The following MARCHF3 variants were observed in gnomAD, a reference collection of about 807,000 sequenced individuals.
MARCHF3 encodes E3 ubiquitin-protein ligase MARCHF3.
In MARCHF3, 13 loss-of-function variants were observed where a neutral mutation model predicts 24.2. The observed-to-expected ratio is 0.54, with a 90% CI of 0.35 to 0.85. The LOEUF is 0.85. MARCHF3 is among the 40% of genes least tolerant of loss of function. The probability of loss-of-function intolerance (pLI) is 0.01; values close to 1 mark genes in which losing one functional copy is unlikely to be tolerated. For synonymous variants in MARCHF3, 144 were observed against 137.3 expected, an observed-to-expected ratio of 1.05 and a Z score of -0.34; for missense variants, 276 against 325.0, an observed-to-expected ratio of 0.85 and a Z score of 1.16.
chr5:126,883,585 G>A (rs1286152067), intron 3 of MARCHF3, among the ~76,000 whole-genome samples: 1 of 152,184 alleles, frequency 6.6e-6, no homozygotes, highest in African/African-American at 2.4e-5. Flanking sequence ...ATCATTCACT[G>A]GCTGTGAATG....
intron 1 of MARCHF3, among the ~76,000 whole-genome samples, chr5:126,972,149 C>T (rs148818352): frequency 6.6e-6 from 1 of 151,146 alleles, no homozygotes; most frequent in East Asian, 1.9e-4. Context: ...GCTGCTTTCA[C>T]AGAGTCCAAC....
chr5:126,967,964 C>T (rs1434016084), intron 1 of MARCHF3, among the ~76,000 whole-genome samples: 1 of 152,158 alleles, frequency 6.6e-6, no homozygotes, highest in African/African-American at 2.4e-5. Context: ...CACCCATTAG[C>T]AGTCACTCAT....
At chr5:126,924,858 C>T (rs749246760) in intron 1 of MARCHF3, among the ~76,000 whole-genome samples, 34 of 152,142 alleles carry the variant, frequency 2.2e-4, no homozygotes, top group Non-Finnish European at 4.3e-4. Context: ...CTTAAATAGC[C>T]GTGGCAGGGC....
chr5:126,880,094 A>C (rs1047352481), intron 3 of MARCHF3, among the ~76,000 whole-genome samples: 7 of 152,200 alleles, frequency 4.6e-5, no homozygotes, highest in Non-Finnish European at 8.8e-5. Flanking sequence ...TGGAACGACA[A>C]AATAGAAAAG....
chr5:126,965,111 T>A (rs1238146413), intron 1 of MARCHF3, among the ~76,000 whole-genome samples: 1 of 151,956 alleles, frequency 6.6e-6, no homozygotes, highest in Non-Finnish European at 1.5e-5. Flanking sequence ...TCTTAAGGCT[T>A]CCATTTCTTG....
At chr5:127,010,595 G>A (rs575306613) in intron 1 of MARCHF3, among the ~76,000 whole-genome samples, 31 of 152,250 alleles carry the variant, frequency 2.0e-4, no homozygotes, top group South Asian at 2.1e-4. Flanking sequence ...TGTGAGAGCC[G>A]AGCTTCCAAT....
At chr5:126,934,093 T>C (rs1391183358) in intron 1 of MARCHF3, among the ~76,000 whole-genome samples, 1 of 152,172 alleles carries the variant, frequency 6.6e-6, no homozygotes, top group Non-Finnish European at 1.5e-5. Flanking sequence ...TTAATGGCAA[T>C]GCAGTCATTG....
chr5:126,993,452 A>G (rs1295085593), intron 1 of MARCHF3, among the ~76,000 whole-genome samples: 2 of 152,012 alleles, frequency 1.3e-5, no homozygotes, highest in Admixed American at 6.5e-5. Context: ...GTTACAATTT[A>G]TGGAAATATC....
chr5:126,918,045 G>C lies in MARCHF3; in HGVS notation c.127C>G (p.Gln43Glu), dbSNP rs200688581. Residue 43 changes from glutamine to glutamate, a missense_variant, in exon 2 of 5, where the codon CAA becomes GAA. Gln to Glu is a conservative substitution (Grantham distance 29). Transcript: ENST00000308660. Reference protein sequence around the residue: ...LVNGQPQYVMQVSAKDGQLLS... With the variant: ...LVNGQPQYVMEVSAKDGQLLS... Reference sequence around the variant, plus strand: ...AGCTGCCCGTCCTTGGCTGAAACTTGCATGACATACTGCGGCTGCCCATTC... The same window carrying C: ...AGCTGCCCGTCCTTGGCTGAAACTTCCATGACATACTGCGGCTGCCCATTC... 2 of 1,614,168 alleles carry C rather than the reference G, an allele frequency of 1.2e-6. No homozygotes were observed. The highest frequency in any genetic ancestry group is 1.7e-6 in the Non-Finnish European group (2 of 1,180,032).
At chr5:126,935,665 C>T (rs971121131) in intron 1 of MARCHF3, among the ~76,000 whole-genome samples, 1 of 119,252 alleles carries the variant, frequency 8.4e-6, no homozygotes, top group Non-Finnish European at 1.6e-5. Flanking sequence ...GGCTGGAGTG[C>T]AATGGCGTGA....
At chr5:127,001,130 C>T (rs1752115584) in intron 1 of MARCHF3, among the ~76,000 whole-genome samples, 1 of 151,330 alleles carries the variant, frequency 6.6e-6, no homozygotes, top group Non-Finnish European at 1.5e-5. Context: ...CCCAGCTACT[C>T]GGGAGGCTGA....
At chr5:126,891,076 T>A (rs1284946800) in intron 3 of MARCHF3, among the ~76,000 whole-genome samples, 1 of 150,984 alleles carries the variant, frequency 6.6e-6, no homozygotes, top group Non-Finnish European at 1.5e-5. Flanking sequence ...TTTGACTGCA[T>A]AAATGTCTTC....
At chr5:126,939,320 A>G (rs750356178) in intron 1 of MARCHF3, among the ~76,000 whole-genome samples, 8 of 152,190 alleles carry the variant, frequency 5.3e-5, no homozygotes, top group Non-Finnish European at 1.0e-4. Context: ...AAGGTTCCCT[A>G]AAGTGTTATA....
chr5:126,930,510 C>T (rs79725930), intron 1 of MARCHF3, among the ~76,000 whole-genome samples: 1 of 152,220 alleles, frequency 6.6e-6, no homozygotes, highest in African/African-American at 2.4e-5. Context: ...ACTAATGCCT[C>T]TGTAGACTGA....
intron 3 of MARCHF3, among the ~76,000 whole-genome samples, chr5:126,888,493 G>A (rs776817738): frequency 6.6e-6 from 1 of 152,148 alleles, no homozygotes. Context: ...ATATTCACTT[G>A]TAACTTCAGA....
chr5:126,885,185 T>C (rs938199869), intron 3 of MARCHF3, among the ~76,000 whole-genome samples: 1 of 152,226 alleles, frequency 6.6e-6, no homozygotes, highest in African/African-American at 2.4e-5. Context: ...TGCCCATGTA[T>C]TGCTACCCAC....
intron 1 of MARCHF3, among the ~76,000 whole-genome samples, chr5:127,019,064 T>A (rs1053445822): frequency 3.9e-5 from 6 of 152,252 alleles, no homozygotes; most frequent in Non-Finnish European, 8.8e-5. Flanking sequence ...ATTATTTTAA[T>A]CTTTTTCATT....
At chr5:126,943,904 C>T (rs987321368) in intron 1 of MARCHF3, among the ~76,000 whole-genome samples, 9 of 151,942 alleles carry the variant, frequency 5.9e-5, no homozygotes, top group Admixed American at 1.3e-4. Context: ...CTCTGCTTCC[C>T]GGGTTCAAGC....
intron 3 of MARCHF3, chr5:126,899,238 T>G (rs558430991): frequency 4.3e-5 from 42 of 985,280 alleles, no homozygotes; most frequent in Admixed American, 6.2e-5. Flanking sequence ...ACAGGGGTGT[T>G]TTCTTATCTT....
Sources: gnomAD v4.1 joint callset for allele counts (sites outside exome capture counted in the v4.1 genomes callset) on GRCh38, gnomAD v4.1.1 for gene constraint, MANE v1.5 for transcripts, NCBI Gene and HGNC (gene_info 2026-07-23, HGNC 2026-07-21) for gene names.